The following MED12 variants were observed in gnomAD, a reference collection of about 807,000 sequenced individuals.
MED12 encodes mediator complex subunit 12.
Under a neutral mutation model 177.7 loss-of-function variants are expected in MED12, and 10 were observed. That is an observed-to-expected ratio of 0.06 (90% CI 0.03 to 0.10). The LOEUF (loss-of-function observed/expected upper bound fraction) is 0.10, where lower values mean the gene tolerates loss of function less well. Among genes scored for constraint, MED12 ranks in the 10% least tolerant of loss-of-function variants. The pLI is 1.00. For missense variants in MED12, 867 were observed against 1,780.8 expected (o/e 0.49, Z 9.23); for synonymous variants, 641 against 678.4 (o/e 0.94, Z 0.86).
In MED12 at chrX:71,122,693, C is replaced by T. The variant is rs1301295546; in HGVS notation, c.1349-45C>T. ...ACATGTAGATCTAAGAGCCAGAATG[C>T]ACCGGGCCTCTGGTTCAGTCCCCTT... On this transcript the variant is annotated intron_variant, in intron 9 of 44. Transcript: ENST00000374080. The T allele has an allele frequency of 5.0e-6, 6 of 1,207,167 alleles. No individual in the cohort carries two copies. The African/African-American group carries it at 8.8e-5, about 18-fold the overall frequency.
At chrX:71,131,123 G>GGC (rs2092315951) in intron 28 of MED12, among the ~76,000 whole-genome samples, 1 of 86,627 alleles carries the variant, frequency 1.2e-5, no homozygotes, top group African/African-American at 5.1e-5. Flanking sequence ...TTTAAATGTA[G>GGC]TCTTTTTTTT....
At chrX:71,130,238 T>G in intron 28 of MED12, 24 bp downstream of exon 28, 1 of 1,191,826 alleles carries the variant, frequency 8.4e-7, no homozygotes, top group Non-Finnish European at 1.1e-6. Flanking sequence ...GTGGGGGCTG[T>G]GGAGGAAGCA....
chrX:71,125,158 C>T lies in MED12; in HGVS notation c.2226+12C>T. On this transcript the variant is annotated intron_variant, in intron 15 of 44. Coordinates refer to ENST00000374080, the MANE Select transcript of MED12 (RefSeq NM_005120.3). ...TTCCCATCCCCCAGGTACTATTCCCCAGCACCTTGTGATGATCTGTTTTGA... is the reference window on the plus strand; with the variant it reads ...TTCCCATCCCCCAGGTACTATTCCCTAGCACCTTGTGATGATCTGTTTTGA... 1.7e-6 allele frequency: 2 copies of T among 1,209,710 alleles called. No individual in the cohort carries two copies. Among genetic ancestry groups the T allele is most frequent in the South Asian group, 1.8e-5 (1 of 56,881 alleles).
At position 71,134,388 on chromosome X, in the gene MED12, G is replaced by A. The variant is rs2147820905; in HGVS notation, c.4649G>A (p.Ser1550Asn). Residue 1550 changes from serine (S) to asparagine (N), a missense_variant, in exon 34 of 45, where the codon AGC (serine) becomes AAC (asparagine). Physicochemically the swap from Ser to Asn is conservative, Grantham distance 46. Around this residue, in one of 14 missense-constraint regions of MED12, gnomAD observed 34 missense variants for 58.9 expected, o/e 0.58. Transcript: ENST00000374080. The part of the protein sequence containing the change: ...VGGMFDTVQR[S>N]TQQTTEWAML... ...GGCATGTTTGACACGGTGCAGCGCA[G>A]CACCCAGCAGACCACGGAGTGGGCC... is the stretch of plus-strand genomic sequence containing the variant. The A allele has an allele frequency of 8.6e-7, 1 of 1,166,117 alleles. No homozygotes were observed. The highest frequency in any genetic ancestry group is 1.1e-6 in the Non-Finnish European group (1 of 869,646).
chrX:71,120,958 C>G lies in MED12; in HGVS notation c.554-13C>G, dbSNP rs1033217662. The G allele has an allele frequency of 4.1e-6, 5 of 1,209,912 alleles. No individual in the cohort carries two copies. The highest frequency in any genetic ancestry group is 5.6e-6 in the Non-Finnish European group (5 of 894,136). On this transcript the variant is annotated splice_polypyrimidine_tract_variant and intron_variant, in intron 4 of 44. Coordinates refer to ENST00000374080, the MANE Select transcript of MED12 (RefSeq NM_005120.3). The stretch of plus-strand genomic sequence containing the variant: ...GATAGTATCAAATAGCCCTTTTTCC[C>G]TCTTTCCTCCAGAATGGACTCAGAT...
intron 35 of MED12, 92 bp downstream of exon 35, chrX:71,134,940 C>G: frequency 2.6e-6 from 3 of 1,168,638 alleles, no homozygotes; most frequent in Non-Finnish European, 3.5e-6. Flanking sequence ...CTCTACCTTT[C>G]CTTCTCACGT....
At position 71,119,473 on chromosome X, in the gene MED12, C is replaced by T. The variant is rs2147771748; in HGVS notation, c.200C>T (p.Ala67Val). 1.7e-6 allele frequency: 2 copies of T among 1,185,487 alleles called. No homozygotes were observed. Among genetic ancestry groups the T allele is most frequent in the East Asian group, 3.0e-5 (1 of 33,381 alleles). The stretch of plus-strand genomic sequence containing the variant: ...GCCAAGAACGTCAGCTTCAATCCTG[C>T]CAAGGTGAGACAACTCTGCCAGGCT... ...GSAKNVSFNP[A>V]KISSNFSSII... Residue 67 changes from alanine to valine, a missense_variant, in exon 2 of 45, where the codon GCC (alanine) becomes GTC (valine). By Grantham distance (64) the Ala-to-Val change is moderately conservative. Transcript: ENST00000374080.
At chrX:71,127,785 C>G in intron 21 of MED12, 108 bp from the exon 22 acceptor site, 1 of 589,348 alleles carries the variant, frequency 1.7e-6, no homozygotes, top group Non-Finnish European at 2.8e-6. Flanking sequence ...TCTCAAGATC[C>G]TTCATCCCTC....
chrX:71,121,813 A>C lies in MED12; in HGVS notation c.1098A>C (p.Leu366=), dbSNP rs1325162892. ...TGGTTTTTGGCCTCAGCTGTATCCT[A>C]CAGGTAGGTACTAGGCGGGCCCAAG... The part of the protein sequence containing the change: ...RPLVFGLSCI[L]QTILLCCPSA... The change falls in exon 7 of 45, where the codon CTA becomes CTC. Residue 366 remains leucine (L), a synonymous_variant. Coordinates refer to ENST00000374080, the MANE Select transcript of MED12 (RefSeq NM_005120.3). The C allele has an allele frequency of 8.3e-7, 1 of 1,210,380 alleles. No homozygotes were observed. The highest frequency in any genetic ancestry group is 2.2e-5 in the Admixed American group (1 of 45,853).
rs1244831967 is a variant in MED12 at position 71,141,539 on chromosome X, A to G, written c.6408+169A>G. 3.6e-5 allele frequency among the ~76,000 whole-genome samples: 4 copies of G among 112,626 alleles called. No individual in the cohort carries two copies. In the East Asian group the frequency reaches 8.3e-4, roughly 24 times the overall value. The stretch of plus-strand genomic sequence containing the variant: ...CGCAGTGGCTCACGCCTGTAATCCC[A>G]GCACTTTGGGAGGCCAAGGCAGGTG... On this transcript the variant is annotated intron_variant, in intron 43 of 44. Transcript: ENST00000374080.
rs1330873923 is a variant in MED12, at chrX:71,121,695, C to T, written c.980C>T (p.Thr327Met). 4 of 1,209,429 alleles carry T rather than the reference C, an allele frequency of 3.3e-6. No individual in the cohort carries two copies. The highest frequency in any genetic ancestry group is 2.2e-5 in the Admixed American group (1 of 45,743). ...GTTATATCTGCTCAGTCAACAAGCACGCTACCCACCACCCCTGCTCCTCAG... is the reference window on the plus strand; with the variant it reads ...GTTATATCTGCTCAGTCAACAAGCATGCTACCCACCACCCCTGCTCCTCAG... Reference protein sequence around the residue: ...SHVISAQSTSTLPTTPAPQPP... With the variant: ...SHVISAQSTSMLPTTPAPQPP... The change falls in exon 7 of 45, where the codon ACG becomes ATG. Residue 327 changes from threonine (T) to methionine (M), a missense_variant. Thr to Met is a moderately conservative substitution (Grantham distance 81, BLOSUM62 -1). Coordinates refer to ENST00000374080, the MANE Select transcript of MED12 (RefSeq NM_005120.3).
intron 29 of MED12, 82 bp downstream of exon 29, chrX:71,131,703 T>G: frequency 1.0e-6 from 1 of 966,848 alleles, no homozygotes; most frequent in Non-Finnish European, 1.5e-6. Flanking sequence ...CAGAAGAACC[T>G]AGATCCTACC....
chrX:71,122,126 G>T, intron 7 of MED12, 74 bp from the exon 8 acceptor site: 3 of 1,162,108 alleles, frequency 2.6e-6, no homozygotes, highest in Non-Finnish European at 3.5e-6. Context: ...GAATCTACGG[G>T]TTGGGTCTTA....
chrX:71,132,178 A>G lies in MED12; in HGVS notation c.4225A>G (p.Ser1409Gly), dbSNP rs2092319198. ...TGGAAGTACTGCAAGCAACATGCCC[A>G]GCAGCAGCAAGACCAAGCCTGTGCT... ...SSGSTASNMP[S>G]SSKTKPVLSS... Residue 1409 changes from serine (S) to glycine (G), a missense_variant, in exon 30 of 45, where the codon AGC becomes GGC. Transcript: ENST00000374080. The G allele has an allele frequency of 1.7e-6, 2 of 1,211,246 alleles. No homozygotes were observed. Among genetic ancestry groups the G allele is most frequent in the Non-Finnish European group, 1.1e-6 (1 of 894,747 alleles).
At chrX:71,133,068 T>TGA (rs2147817345) in intron 32 of MED12, 55 bp from the exon 33 acceptor site, 2 of 1,051,343 alleles carry the variant, frequency 1.9e-6, no homozygotes, top group East Asian at 6.0e-5. Context: ...TTGGCTGCTG[T>TGA]GGGATGGAAA....
rs764617392 is a variant in MED12, at chrX:71,124,297, C to T, written c.1883C>T (p.Ala628Val). 8.3e-7 allele frequency: 1 copy of T among 1,209,215 alleles called. No individual in the cohort carries two copies. Among genetic ancestry groups the T allele is most frequent in the South Asian group, 1.8e-5 (1 of 56,792 alleles). ...LISRGDLAFG[A>V]PGPRPPSPFD... is the part of the protein sequence containing the mutation. ...TCCCGAGGGGACCTTGCCTTTGGAG[C>T]CCCTGGTCCCCGGCCTCCCTCTCCC... Residue 628 changes from alanine (A) to valine (V), a missense_variant, in exon 13 of 45, where the codon GCC (alanine) becomes GTC (valine). Coordinates refer to ENST00000374080, the MANE Select transcript of MED12 (RefSeq NM_005120.3).
chrX:71,129,240 C>G, intron 25 of MED12, 25 bp downstream of exon 25: 7 of 1,177,716 alleles, frequency 5.9e-6, no homozygotes, highest in Non-Finnish European at 8.1e-6. Flanking sequence ...TCTGAACCAG[C>G]CAACAGTAGA....
At position 71,123,660 on chromosome X, in the gene MED12, A is replaced by G. The variant is rs374138730; in HGVS notation, c.1684A>G (p.Ser562Gly). ...SIASGSLSAP[S>G]APIFQDVLLQ... ...CGCCTCTGGCTCCCTTTCTGCTCCCAGTGCTCCCATTTTCCAGGATGTCCT... is the reference window on the plus strand; with the variant it reads ...CGCCTCTGGCTCCCTTTCTGCTCCCGGTGCTCCCATTTTCCAGGATGTCCT... The change falls in exon 12 of 45, where the codon AGT becomes GGT. Residue 562 changes from serine to glycine, a missense_variant. Transcript: ENST00000374080. 7 of 1,207,380 alleles carry G rather than the reference A, an allele frequency of 5.8e-6. No individual in the cohort carries two copies. In the African/African-American group the frequency reaches 1.1e-4, roughly 18 times the overall value.
chrX:71,128,199 C>T (rs2147801405), intron 22 of MED12, 79 bp downstream of exon 22: 1 of 1,197,362 alleles, frequency 8.4e-7, no homozygotes, highest in Non-Finnish European at 1.1e-6. Flanking sequence ...GGAGGTACTA[C>T]AACCTTGATT....
Sources: allele counts gnomAD v4.1 joint callset (sites outside exome capture counted in the v4.1 genomes callset), GRCh38; gene constraint gnomAD v4.1.1; regional missense constraint gnomAD v4.1.1; transcripts MANE v1.5; gene names NCBI Gene and HGNC (gene_info 2026-07-23, HGNC 2026-07-21).